The following PTPRN2 variants were observed in gnomAD, a reference collection of about 807,000 sequenced individuals.
PTPRN2 encodes the protein protein tyrosine phosphatase receptor type N2.
In PTPRN2, 74 loss-of-function variants were observed where a neutral mutation model predicts 118.8. The ratio of observed to expected loss-of-function variants is 0.62; its 90% CI spans 0.52 to 0.76. PTPRN2 has a LOEUF of 0.76. PTPRN2 is among the 30% of genes least tolerant of loss of function. The pLI is 0.00. For missense variants in PTPRN2, 1,481 were observed against 1,394.4 expected, an observed-to-expected ratio of 1.06 and a Z score of -0.99; for synonymous variants, 641 against 608.0, an observed-to-expected ratio of 1.05 and a Z score of -0.80.
chr7:158,326,930 TGCAC>T (rs1485467238), intron 2 of PTPRN2, among the ~76,000 whole-genome samples: 4 of 145,064 alleles, frequency 2.8e-5, no homozygotes, highest in African/African-American at 7.7e-5. Context: ...CGTTCTCACA[TGCAC>T]ACATACACAT....
At chr7:158,132,313 C>G (rs1275401140) in intron 9 of PTPRN2, among the ~76,000 whole-genome samples, 1 of 151,526 alleles carries the variant, frequency 6.6e-6, no homozygotes, top group Non-Finnish European at 1.5e-5. Context: ...CCGACATACA[C>G]ACTCATACAC....
chr7:158,479,924 G>T (rs1190502066), intron 2 of PTPRN2, among the ~76,000 whole-genome samples: 1 of 152,270 alleles, frequency 6.6e-6, no homozygotes, highest in African/African-American at 2.4e-5. Flanking sequence ...ACTGCTGTTT[G>T]GGTAATGACA....
intron 11 of PTPRN2, among the ~76,000 whole-genome samples, chr7:158,006,716 G>A (rs1805655344): frequency 6.6e-6 from 1 of 152,218 alleles, no homozygotes; most frequent in South Asian, 2.1e-4. Context: ...TCACTCAGAG[G>A]AAGGTAGGCC....
intron 12 of PTPRN2, among the ~76,000 whole-genome samples, chr7:157,884,609 G>A (rs558273215): frequency 2.0e-5 from 3 of 152,298 alleles, no homozygotes; most frequent in Middle Eastern, 3.4e-3. Flanking sequence ...ACAGTTCCAC[G>A]TGGTTTTGGG....
chr7:158,196,677 G>A (rs549464800), intron 4 of PTPRN2, among the ~76,000 whole-genome samples: 1 of 152,176 alleles, frequency 6.6e-6, no homozygotes, highest in African/African-American at 2.4e-5. Flanking sequence ...CACCCCTGGG[G>A]CCCTGCCCAC....
At chr7:157,753,652 C>T (rs1011268664) in intron 12 of PTPRN2, among the ~76,000 whole-genome samples, 4 of 148,642 alleles carry the variant, frequency 2.7e-5, no homozygotes, top group Admixed American at 2.0e-4. Flanking sequence ...GCCTTAACGC[C>T]TCCCCTCCGT....
Position 158,002,045 on chromosome 7 carries a change from T to C in PTPRN2, c.1723+79253A>G, listed in dbSNP as rs1585180094. On this transcript the variant is annotated intron_variant, in intron 11 of 22. Coordinates refer to ENST00000389418, the MANE Select transcript of PTPRN2 (RefSeq NM_002847.5). ...GAAATGGCACTTAGTGCCTCTTCCC[T>C]TGGAGTCACCTCGGGTGACATGGGG... is the stretch of plus-strand genomic sequence containing the variant. Among the ~76,000 whole-genome samples the C allele has an allele frequency of 3.3e-5, 5 of 152,332 alleles. No homozygotes were observed. The Middle Eastern group carries it at 0.01, about 311-fold the overall frequency.
intron 21 of PTPRN2, among the ~76,000 whole-genome samples, chr7:157,552,262 A>G (rs73747205): frequency 0.036 from 5,469 of 152,308 alleles, 226 homozygotes; most frequent in East Asian, 0.14. Flanking sequence ...AAACAATAAC[A>G]TAACTAAATA....
intron 12 of PTPRN2, among the ~76,000 whole-genome samples, chr7:157,693,299 C>T (rs1369470175): frequency 6.6e-6 from 1 of 152,062 alleles, no homozygotes; most frequent in Admixed American, 6.5e-5. Flanking sequence ...CCGGGACTCC[C>T]CGCGGGGGCT....
chr7:158,355,114 C>T (rs548042880), intron 2 of PTPRN2, among the ~76,000 whole-genome samples: 13 of 152,160 alleles, frequency 8.5e-5, no homozygotes, highest in East Asian at 7.7e-4. Flanking sequence ...CTTTCCCAGA[C>T]GAACAAAAGC....
chr7:157,547,978 T>C (rs910876521), intron 22 of PTPRN2, among the ~76,000 whole-genome samples: 4 of 152,192 alleles, frequency 2.6e-5, no homozygotes, highest in African/African-American at 9.7e-5. Context: ...GGCCTGTTGG[T>C]CAGTGGTTTG....
rs1826917735 is a variant in PTPRN2, at chr7:158,555,497, A to G, written c.112+32061T>C. ...GGAGCAGGAAGAGGCCCATGCTGCC[A>G]TGTCCCATCCCAACACAGGGGCAGT... On this transcript the variant is annotated intron_variant, in intron 1 of 22. Coordinates refer to ENST00000389418, the MANE Select transcript of PTPRN2 (RefSeq NM_002847.5). This position sits in a 1 kb window ranked among gnomAD's most constrained non-coding sequence, Gnocchi z 4.7. 6.6e-6 allele frequency among the ~76,000 whole-genome samples: 1 copy of G among 152,220 alleles called. No homozygotes were observed. Among genetic ancestry groups the G allele is most frequent in the Admixed American group, 6.5e-5 (1 of 15,286 alleles).
chr7:157,992,290 C>T (rs1365745966), intron 11 of PTPRN2, among the ~76,000 whole-genome samples: 5 of 152,354 alleles, frequency 3.3e-5, no homozygotes, highest in South Asian at 2.1e-4. Context: ...GACTGCATGG[C>T]GACACGTTCT....
intron 3 of PTPRN2, among the ~76,000 whole-genome samples, chr7:158,293,822 A>G (rs1409575494): frequency 6.6e-6 from 1 of 151,952 alleles, no homozygotes; most frequent in African/African-American, 2.4e-5. Context: ...AGGCTCATCA[A>G]TATCACTGTC....
At chr7:157,781,901 G>A (rs750154403) in intron 12 of PTPRN2, among the ~76,000 whole-genome samples, 4 of 152,228 alleles carry the variant, frequency 2.6e-5, no homozygotes. Flanking sequence ...TGGGCTTTCA[G>A]GGGTGGATGT....
rs1453639744 is a variant in PTPRN2, at chr7:158,192,389, G to C, written c.487C>G (p.Gln163Glu). Residue 163 changes from glutamine (Q) to glutamate (E), a missense_variant, in exon 5 of 23, where the codon CAG becomes GAG. Transcript: ENST00000389418. ...RHLPFLEALS[Q>E]APASDVLART... ...GCGAGCACGTCTGAGGCTGGGGCCT[G>C]GGACAGGGCCTCCAGGAAGGGCAGG... 5.9e-6 allele frequency: 9 copies of C among 1,531,108 alleles called. No individual in the cohort carries two copies. In the East Asian group the frequency reaches 2.3e-4, roughly 39 times the overall value. 94.8% of individuals were successfully genotyped at this position (1,531,108 alleles called of 1,614,324 possible).
intron 12 of PTPRN2, among the ~76,000 whole-genome samples, chr7:157,737,609 C>T (rs963600989): frequency 1.3e-5 from 2 of 152,266 alleles, no homozygotes; most frequent in South Asian, 2.1e-4. Context: ...CGCTCCCATT[C>T]GTACTCACGG....
rs75637011 is a variant in PTPRN2, at chr7:158,112,131, G to T, written c.1557-1216C>A. On this transcript the variant is annotated intron_variant, in intron 9 of 22. Coordinates refer to ENST00000389418, the MANE Select transcript of PTPRN2 (RefSeq NM_002847.5). Reference sequence around the variant, plus strand: ...TTGGACTTCCAGCCTCCAGGACAGGGAGAAGATGGATTTCCCACTTTGGAA... The same window carrying T: ...TTGGACTTCCAGCCTCCAGGACAGGTAGAAGATGGATTTCCCACTTTGGAA... Among the ~76,000 whole-genome samples, 511 of 152,326 alleles carry T rather than the reference G, an allele frequency of 3.4e-3. 2 individuals are homozygous for T. Among genetic ancestry groups the T allele is most frequent in the African/African-American group, 0.011 (474 of 41,572 alleles).
At chr7:158,245,982 G>A (rs556642628) in intron 3 of PTPRN2, among the ~76,000 whole-genome samples, 1 of 151,898 alleles carries the variant, frequency 6.6e-6, no homozygotes, top group African/African-American at 2.4e-5. Context: ...CACAAATCAG[G>A]GCCTGGTTGG....
Sources: allele counts gnomAD v4.1 joint callset (sites outside exome capture counted in the v4.1 genomes callset), GRCh38; gene constraint gnomAD v4.1.1; non-coding constraint Gnocchi (gnomAD v3.1); transcripts MANE v1.5; gene names NCBI Gene and HGNC (gene_info 2026-07-23, HGNC 2026-07-21).